The following TBC1D16 variants were observed in gnomAD, a reference collection of about 807,000 sequenced individuals.
TBC1D16 encodes the protein CTD-2529O21.1.
A neutral mutation model predicts 74.7 loss-of-function variants in TBC1D16; 58 were observed. That is an observed-to-expected ratio of 0.78 (90% CI 0.63 to 0.97). The LOEUF (loss-of-function observed/expected upper bound fraction) is 0.97. TBC1D16 is among the 50% of genes least tolerant of loss of function. The pLI is 0.00. For synonymous variants in TBC1D16, 493 were observed against 474.7 expected, an observed-to-expected ratio of 1.04 and a Z score of -0.50; for missense variants, 1,014 against 1,079.5, an observed-to-expected ratio of 0.94 and a Z score of 0.85.
At chr17:79,966,514 T>C (rs528591263) in intron 3 of TBC1D16, among the ~76,000 whole-genome samples, 3 of 152,184 alleles carry the variant, frequency 2.0e-5, no homozygotes, top group East Asian at 1.9e-4. Context: ...CCTCTCTCTC[T>C]CTTCTAATTC....
At position 79,951,389 on chromosome 17, in the gene TBC1D16, G is replaced by A. The variant is rs1047087384; in HGVS notation, c.1089+61C>T. The A allele has an allele frequency of 3.8e-6, 6 of 1,575,598 alleles. No homozygotes were observed. In the Admixed American group the frequency reaches 1.0e-4, roughly 28 times the overall value. ...AGACACAGGACCCAGGAGGGAGATG[G>A]GGCCCGTGGGGGGTGGGGAGTGTCA... On this transcript the variant is annotated intron_variant, in intron 5 of 11. Transcript: ENST00000310924.
At chr17:80,018,086 CTGCAAGAAAAT>C (rs2036153302) in intron 1 of TBC1D16, among the ~76,000 whole-genome samples, 1 of 151,546 alleles carries the variant, frequency 6.6e-6, no homozygotes, top group African/African-American at 2.4e-5. Context: ...TTAATAAGCC[CTGCAAGAAAAT>C]TGCTCGCCGT....
rs540961597 is a variant in TBC1D16, at chr17:80,000,783, G to A, written c.779+9377C>T. Among the ~76,000 whole-genome samples the A allele has an allele frequency of 1.3e-5, 2 of 152,208 alleles. No homozygotes were observed. The highest frequency in any genetic ancestry group is 1.3e-4 in the Admixed American group (2 of 15,284). On this transcript the variant is annotated intron_variant, in intron 3 of 11. Transcript: ENST00000310924. This position sits in a 1 kb window ranked among gnomAD's most constrained non-coding sequence, Gnocchi z 4.1. ...TCACAGAGGAGTAAACTGAGGTACA[G>A]AGTGGTTCAACACCGTCCAAGGCCA...
chr17:79,942,241 G>A (rs1598310235), intron 10 of TBC1D16, 35 bp from the exon 11 acceptor site: 1 of 1,558,358 alleles, frequency 6.4e-7, no homozygotes, highest in South Asian at 1.2e-5. Flanking sequence ...CACGGGCTCT[G>A]ACCGAGCCCC....
Position 79,950,897 on chromosome 17 carries a change from C to T in TBC1D16, c.1090-319G>A. 4 of 1,454,236 alleles carry T rather than the reference C, an allele frequency of 2.8e-6. No homozygotes were observed. Among genetic ancestry groups the T allele is most frequent in the Non-Finnish European group, 3.7e-6 (4 of 1,090,422 alleles). 90.1% of individuals were successfully genotyped at this position (1,454,236 alleles called of 1,614,324 possible). Reference sequence around the variant, plus strand: ...AACTTCCCTCTGCCGGGAGGGCCTGCAATGAATTACATGTGATTGGCCACA... The same window carrying T: ...AACTTCCCTCTGCCGGGAGGGCCTGTAATGAATTACATGTGATTGGCCACA... On this transcript the variant is annotated intron_variant, in intron 5 of 11. Coordinates refer to ENST00000310924, the MANE Select transcript of TBC1D16 (RefSeq NM_019020.4). The surrounding 1 kb of genome is among the most constrained non-coding windows in gnomAD (Gnocchi z 4.6).
At chr17:79,972,396 C>T (rs1474246169) in intron 3 of TBC1D16, among the ~76,000 whole-genome samples, 2 of 152,060 alleles carry the variant, frequency 1.3e-5, no homozygotes, top group African/African-American at 2.4e-5. Flanking sequence ...ACGCTGGTCT[C>T]GAACTCCTGA....
At chr17:79,977,599 G>A (rs1177482560) in intron 3 of TBC1D16, among the ~76,000 whole-genome samples, 1 of 152,280 alleles carries the variant, frequency 6.6e-6, no homozygotes, top group Non-Finnish European at 1.5e-5. Flanking sequence ...ACGGCGATGA[G>A]TTGGCTGGAC....
chr17:80,012,325 C>A (rs1400389145), intron 2 of TBC1D16, among the ~76,000 whole-genome samples: 1 of 152,158 alleles, frequency 6.6e-6, no homozygotes, highest in African/African-American at 2.4e-5. Context: ...AGGCAACCTC[C>A]GGGTCGAGGG....
At chr17:79,977,321 G>A (rs764442980) in intron 3 of TBC1D16, among the ~76,000 whole-genome samples, 3 of 152,210 alleles carry the variant, frequency 2.0e-5, no homozygotes, top group Non-Finnish European at 4.4e-5. Flanking sequence ...CTGAGGAGGG[G>A]ATGGGATGGG....
At chr17:79,949,036 C>A in intron 7 of TBC1D16, 30 bp from the exon 8 acceptor site, 1 of 1,613,158 alleles carries the variant, frequency 6.2e-7, no homozygotes, top group South Asian at 1.1e-5. Context: ...CAGCCGGGGT[C>A]AGCGGGTGGC....
In TBC1D16 at chr17:80,000,249, C is replaced by T. The variant is rs1018934655; in HGVS notation, c.779+9911G>A. ...AAGATTCATGTCCACACAGAAGCTC[C>T]CAATGTGACCTTATTCAGAAATAGG... is the stretch of plus-strand genomic sequence containing the variant. On this transcript the variant is annotated intron_variant, in intron 3 of 11. Coordinates refer to ENST00000310924, the MANE Select transcript of TBC1D16 (RefSeq NM_019020.4). This position sits in a 1 kb window ranked among gnomAD's most constrained non-coding sequence, Gnocchi z 4.1. 6.6e-6 allele frequency among the ~76,000 whole-genome samples: 1 copy of T among 152,150 alleles called. No individual in the cohort carries two copies. The highest frequency in any genetic ancestry group is 1.5e-5 in the Non-Finnish European group (1 of 68,026).
At chr17:79,982,650 T>TAACC (rs2034634591) in intron 3 of TBC1D16, among the ~76,000 whole-genome samples, 1 of 149,820 alleles carries the variant, frequency 6.7e-6, no homozygotes, top group Non-Finnish European at 1.5e-5. Flanking sequence ...GTCAGGACTT[T>TAACC]GAGACCAGCC....
In TBC1D16 at chr17:79,985,615, AG is replaced by A. The variant is rs1312561658; in HGVS notation, c.779+24544del. The stretch of plus-strand genomic sequence containing the variant: ...GGCCCTGAGACTGGTGCTGGGTCCA[AG>A]GGTCCCCATCCGGTGGCAGCCATTC... On this transcript the variant is annotated intron_variant, in intron 3 of 11. Transcript: ENST00000310924. This position sits in a 1 kb window ranked among gnomAD's most constrained non-coding sequence, Gnocchi z 4.9. Among the ~76,000 whole-genome samples, 2 of 152,026 alleles carry A rather than the reference AG, an allele frequency of 1.3e-5. No individual in the cohort carries two copies. The highest frequency in any genetic ancestry group is 6.6e-5 in the Admixed American group (1 of 15,266).
Position 79,935,066 on chromosome 17 carries a change from G to C in TBC1D16, c.*5793C>G, listed in dbSNP as rs8074930. ...AATTTTCCCTAACTCCCACTCCTAG[G>C]AAGGTCAAATTCACCTTGTTTGCCT... On this transcript the variant is annotated 3_prime_UTR_variant, in exon 12 of 12. Coordinates refer to ENST00000310924, the MANE Select transcript of TBC1D16 (RefSeq NM_019020.4). 0.56 allele frequency: 85,227 copies of C among 152,140 alleles called. 24,341 individuals are homozygous for C. Among genetic ancestry groups the C allele is most frequent in the East Asian group, 0.67 (3,478 of 5,156 alleles). 9.4% of individuals were successfully genotyped at this position (152,140 alleles called of 1,614,324 possible). A position where few individuals can be genotyped will look rare whatever the true frequency, so the allele number is the denominator to read the frequency against.
In TBC1D16 at chr17:80,007,575, C is replaced by T. The variant is rs1435940622; in HGVS notation, c.779+2585G>A. 1.3e-5 allele frequency among the ~76,000 whole-genome samples: 2 copies of T among 152,124 alleles called. No individual in the cohort carries two copies. Among genetic ancestry groups the T allele is most frequent in the Non-Finnish European group, 2.9e-5 (2 of 68,020 alleles). On this transcript the variant is annotated intron_variant, in intron 3 of 11. Coordinates refer to ENST00000310924, the MANE Select transcript of TBC1D16 (RefSeq NM_019020.4). This position sits in a 1 kb window ranked among gnomAD's most constrained non-coding sequence, Gnocchi z 4.5. ...TCGAGTGTCAGAGCAGAGAAGGGGG[C>T]CATGGGGAGGGCCCTCCTCAGCCCA...
intron 9 of TBC1D16, among the ~76,000 whole-genome samples, chr17:79,947,164 A>G (rs1488905643): frequency 6.6e-6 from 1 of 152,054 alleles, no homozygotes; most frequent in Non-Finnish European, 1.5e-5. Context: ...AGGTGTCAGC[A>G]GGGCACCCCA....
chr17:80,029,602 G>C (rs2036706808), intron 1 of TBC1D16, among the ~76,000 whole-genome samples: 1 of 152,152 alleles, frequency 6.6e-6, no homozygotes, highest in Admixed American at 6.5e-5. Flanking sequence ...TTATACCCTA[G>C]AAAAGAGAGT....
intron 3 of TBC1D16, among the ~76,000 whole-genome samples, chr17:79,955,219 C>A (rs1030607305): frequency 2.0e-5 from 3 of 152,110 alleles, no homozygotes; most frequent in Non-Finnish European, 4.4e-5. Context: ...CAAACTAGAG[C>A]GAAGGTGATG....
chr17:79,978,629 C>T (rs2034442960), intron 3 of TBC1D16, among the ~76,000 whole-genome samples: 1 of 152,194 alleles, frequency 6.6e-6, no homozygotes, highest in Non-Finnish European at 1.5e-5. Flanking sequence ...ACAGCTGTTA[C>T]GAGTTTCTGA....
Sources: allele counts gnomAD v4.1 joint callset (sites outside exome capture counted in the v4.1 genomes callset), GRCh38; gene constraint gnomAD v4.1.1; non-coding constraint Gnocchi (gnomAD v3.1); transcripts MANE v1.5; gene names NCBI Gene and HGNC (gene_info 2026-07-23, HGNC 2026-07-21).